The following GYPB variants were observed in gnomAD, a reference collection of about 807,000 sequenced individuals.
The protein encoded by GYPB is glycophorin B (MNS blood group), also known as glycophorin-B.
GYPB carries 13 observed loss-of-function variants against 15.3 expected under a neutral mutation model. That is an observed-to-expected ratio of 0.85 (90% confidence interval 0.55 to 1.35). The LOEUF is 1.35. Ranked by LOEUF, GYPB falls within the 40% of genes most tolerant of loss-of-function variation. GYPB has a pLI of 0.00. For synonymous variants in GYPB, 38 were observed against 36.9 expected (o/e 1.03, Z -0.11); for missense variants, 131 against 108.3 (o/e 1.21, Z -0.93).
chr4:144,000,210 G>A (rs1175828613), intron 2 of GYPB: 1 of 173,242 alleles, frequency 5.8e-6, no homozygotes, highest in African/African-American at 2.5e-5. Flanking sequence ...ATTGGGGCTT[G>A]CCTTCTCTTT....
chr4:144,016,341 C>T (rs542789503), intron 1 of GYPB, among the ~76,000 whole-genome samples: 2 of 149,750 alleles, frequency 1.3e-5, no homozygotes, highest in South Asian at 4.2e-4. Flanking sequence ...CTGTCTCTTC[C>T]CTTCCCTTCT....
chr4:144,012,979 C>G (rs1728295299), intron 1 of GYPB, among the ~76,000 whole-genome samples: 1 of 151,390 alleles, frequency 6.6e-6, no homozygotes, highest in African/African-American at 2.5e-5. Flanking sequence ...AACATTTGTG[C>G]ATCAAAGGAC....
In GYPB at chr4:143,997,587, T is replaced by A; in HGVS notation, c.223A>T (p.Ile75Phe). The A allele has an allele frequency of 6.2e-7, 1 of 1,600,404 alleles. No individual in the cohort carries two copies. The highest frequency in any genetic ancestry group is 1.1e-5 in the South Asian group (1 of 90,768). The change falls in exon 4 of 5, where the codon ATT becomes TTT. Residue 75 changes from isoleucine (I) to phenylalanine (F), a missense_variant. By Grantham distance (21) the Ile-to-Phe change is conservative (BLOSUM62 0). Coordinates refer to ENST00000502664, the MANE Select transcript of GYPB (RefSeq NM_002100.6). Reference protein sequence around the residue: ...LIILCVMAGIIGTILLISYSI... With the variant: ...LIILCVMAGIFGTILLISYSI... ...TAAGAAATTAAGAGGATCGTTCCAA[T>A]AATACCAGCCATCACACACAAAATA...
rs186467749 is a variant in GYPB at position 144,011,033 on chromosome 4, G to T, written c.37+8218C>A. ...AAATGTCAGTTGTGAATTAATGAAT[G>T]CATATGGATTATGGTTTTGTGTTAA... On this transcript the variant is annotated intron_variant, in intron 1 of 4. Transcript: ENST00000502664. Among the ~76,000 whole-genome samples the T allele has an allele frequency of 7.0e-3, 1,064 of 151,612 alleles. 72 individuals carry two copies. The highest frequency in any genetic ancestry group is 0.024 in the African/African-American group (970 of 40,892).
rs570299607 is a variant in GYPB at position 143,999,579 on chromosome 4, C to T, written c.137-130G>A. On this transcript the variant is annotated intron_variant, in intron 2 of 4. Coordinates refer to ENST00000502664, the MANE Select transcript of GYPB (RefSeq NM_002100.6). ...ATTTTGAGAGTTGTTGGTCAACTTT[C>T]AACATCTAGCTAGTAACATTTATGA... 60 of 605,266 alleles carry T rather than the reference C, an allele frequency of 9.9e-5. 1 individual carries two copies. Among genetic ancestry groups the T allele is most frequent in the African/African-American group, 7.6e-4 (39 of 51,098 alleles). The allele number at this position is 605,266 out of a possible 1,614,324, so 37.5% of individuals were successfully genotyped here.
rs961592188 is a variant in GYPB at position 144,019,154 on chromosome 4, G to C, written c.37+97C>G. 8.9e-5 allele frequency: 139 copies of C among 1,569,052 alleles called. 1 individual carries two copies. The highest frequency in any genetic ancestry group is 5.1e-4 in the Middle Eastern group (3 of 5,910). ...GAAGAGGAAATACTACTCATTTATT[G>C]ATTTAAATAAGATAGAACTGAAATA... is the stretch of plus-strand genomic sequence containing the variant. On this transcript the variant is annotated intron_variant, in intron 1 of 4. Coordinates refer to ENST00000502664, the MANE Select transcript of GYPB (RefSeq NM_002100.6).
intron 4 of GYPB, among the ~76,000 whole-genome samples, 187 bp from the exon 5 acceptor site, chr4:143,996,491 C>A (rs1011617835): frequency 6.0e-5 from 9 of 151,194 alleles, no homozygotes; most frequent in East Asian, 1.9e-4. Flanking sequence ...TAGGGCCGGG[C>A]GCAGTGGCTC....
rs549119782 is a variant in GYPB at position 144,015,932 on chromosome 4, C to T, written c.37+3319G>A. Among the ~76,000 whole-genome samples the T allele has an allele frequency of 1.6e-4, 24 of 151,066 alleles. 1 individual carries two copies. Among genetic ancestry groups the T allele is most frequent in the African/African-American group, 5.2e-4 (21 of 40,504 alleles). Reference sequence around the variant, plus strand: ...TTTTCATGGCTAAACTAGTCTGCCACAAAATTCTGGTCATTTGTCATTTGT... The same window carrying T: ...TTTTCATGGCTAAACTAGTCTGCCATAAAATTCTGGTCATTTGTCATTTGT... On this transcript the variant is annotated intron_variant, in intron 1 of 4. Transcript: ENST00000502664.
intron 1 of GYPB, among the ~76,000 whole-genome samples, chr4:144,015,722 T>C (rs113514326): frequency 1.3e-5 from 2 of 151,194 alleles, no homozygotes; most frequent in Admixed American, 1.3e-4. Flanking sequence ...GTCTGTTTCT[T>C]TCTAAAAACC....
chr4:144,001,401 A>G (rs746559376), intron 1 of GYPB, 118 bp from the exon 2 acceptor site: 160 of 1,533,740 alleles, frequency 1.0e-4, no homozygotes, highest in Non-Finnish European at 1.1e-4. Flanking sequence ...TAAGCGCTTT[A>G]GTATATATCT....
chr4:144,014,242 CT>C (rs571147889), intron 1 of GYPB, among the ~76,000 whole-genome samples: 375 of 151,936 alleles, frequency 2.5e-3, no homozygotes, highest in Non-Finnish European at 4.3e-3. Flanking sequence ...AATTCTACCC[CT>C]ATACATCTTT....
intron 4 of GYPB, among the ~76,000 whole-genome samples, chr4:143,996,757 G>C (rs1227555696): frequency 2.1e-5 from 3 of 140,854 alleles, no homozygotes; most frequent in Non-Finnish European, 4.5e-5. Flanking sequence ...GGGTGACAGA[G>C]GGAAACTCTG....
In GYPB at chr4:143,996,107, G is replaced by A. The variant is rs921009433; in HGVS notation, c.*192C>T. The A allele has an allele frequency of 5.3e-5, 74 of 1,387,692 alleles. No individual in the cohort carries two copies. Among genetic ancestry groups the A allele is most frequent in the East Asian group, 7.6e-5 (3 of 39,352 alleles). The allele number at this position is 1,387,692 out of a possible 1,614,324, so 86.0% of individuals were successfully genotyped here. A position where few individuals can be genotyped will look rare whatever the true frequency, so the allele number is the denominator to read the frequency against. On this transcript the variant is annotated 3_prime_UTR_variant, in exon 5 of 5. Transcript: ENST00000502664. ...AATCATGACTATAATACATGAAAAC[G>A]GTTTGTATTTTGTTTTATTTTTATT...
intron 2 of GYPB, chr4:144,000,501 G>C (rs1264479577): frequency 8.8e-5 from 61 of 693,256 alleles, no homozygotes; most frequent in Middle Eastern, 3.8e-4. Flanking sequence ...GTTGAGAAAG[G>C]GAACAAGAAT....
intron 1 of GYPB, among the ~76,000 whole-genome samples, chr4:144,003,286 G>A (rs1440718962): frequency 6.6e-6 from 1 of 151,258 alleles, no homozygotes; most frequent in Non-Finnish European, 1.5e-5. Flanking sequence ...GTAGTATGGA[G>A]GATAACTTAG....
At chr4:144,014,157 A>C (rs546472124) in intron 1 of GYPB, among the ~76,000 whole-genome samples, 13 of 151,986 alleles carry the variant, frequency 8.6e-5, no homozygotes, top group South Asian at 4.1e-4. Flanking sequence ...GTGAAAAGGT[A>C]AAAAGGTGCA....
chr4:144,013,900 T>C (rs1461520012), intron 1 of GYPB, among the ~76,000 whole-genome samples: 1 of 150,580 alleles, frequency 6.6e-6, no homozygotes, highest in Non-Finnish European at 1.5e-5. Context: ...ACATGTACCC[T>C]AAAACTTAAA....
chr4:144,001,174 T>C lies in GYPB; in HGVS notation c.136+11A>G, dbSNP rs1337775023. The C allele has an allele frequency of 6.2e-7, 1 of 1,612,706 alleles. No individual in the cohort carries two copies. The highest frequency in any genetic ancestry group is 1.1e-5 in the South Asian group (1 of 91,070). On this transcript the variant is annotated intron_variant, in intron 2 of 4. Transcript: ENST00000502664. Reference sequence around the variant, plus strand: ...CGGAGCCACAATTTAAAAATAAAAATGAAAACAAACCATTTGTCTGTGATG... The same window carrying C: ...CGGAGCCACAATTTAAAAATAAAAACGAAAACAAACCATTTGTCTGTGATG...
chr4:144,007,926 C>G (rs1728007002), intron 1 of GYPB, among the ~76,000 whole-genome samples: 1 of 151,432 alleles, frequency 6.6e-6, no homozygotes, highest in Non-Finnish European at 1.5e-5. Context: ...GTGCACACCA[C>G]CATGCCTGGC....
Sources: allele counts gnomAD v4.1 joint callset (sites outside exome capture counted in the v4.1 genomes callset), GRCh38; gene constraint gnomAD v4.1.1; transcripts MANE v1.5; gene names NCBI Gene and HGNC (gene_info 2026-07-23, HGNC 2026-07-21).